The following ARHGAP10 variants were observed in gnomAD, a reference collection of about 807,000 sequenced individuals.
ARHGAP10 encodes the protein Rho GTPase activating protein 10.
ARHGAP10 carries 87 observed loss-of-function variants against 108.6 expected under a neutral mutation model. The observed-to-expected ratio is 0.80, with a 90% CI of 0.67 to 0.96. The LOEUF (loss-of-function observed/expected upper bound fraction) is 0.96, where lower values mean the gene tolerates loss of function less well. ARHGAP10 is among the 40% of genes least tolerant of loss of function. ARHGAP10 has a pLI of 0.00. For missense variants in ARHGAP10, 939 were observed against 954.5 expected (o/e 0.98, Z 0.21); for synonymous variants, 347 against 341.1 (o/e 1.02, Z -0.19).
Position 147,849,620 on chromosome 4 carries a change from C to G in ARHGAP10, c.384+2398C>G, listed in dbSNP as rs536333990. Among the ~76,000 whole-genome samples, 7 of 152,344 alleles carry G rather than the reference C, an allele frequency of 4.6e-5. No individual in the cohort carries two copies. In the South Asian group the frequency reaches 1.2e-3, roughly 27 times the overall value. ...TCTTTCCCCGTCTCCTGTTTCCCAT[C>G]TGATAATGTTGTAGCCCTTGCCTGA... On this transcript the variant is annotated intron_variant, in intron 4 of 22. Transcript: ENST00000336498.
At chr4:147,854,206 A>C (rs999937991) in intron 4 of ARHGAP10, among the ~76,000 whole-genome samples, 4 of 152,198 alleles carry the variant, frequency 2.6e-5, no homozygotes, top group Non-Finnish European at 4.4e-5. Context: ...CAACTTATAA[A>C]TTTTGTTTGG....
intron 15 of ARHGAP10, 110 bp from the exon 16 acceptor site, chr4:147,955,206 T>C (rs1375280516): frequency 6.6e-6 from 7 of 1,056,604 alleles, no homozygotes; most frequent in African/African-American, 3.2e-5. Flanking sequence ...TAGGGAAGTT[T>C]TACACATTAA....
intron 19 of ARHGAP10, among the ~76,000 whole-genome samples, chr4:148,033,759 G>A (rs1296030773): frequency 6.6e-6 from 1 of 152,212 alleles, no homozygotes; most frequent in Non-Finnish European, 1.5e-5. Context: ...GAAAGGGAAT[G>A]GAGTCCCTTT....
chr4:147,953,811 CT>C (rs1317810514), intron 15 of ARHGAP10, among the ~76,000 whole-genome samples: 1 of 151,704 alleles, frequency 6.6e-6, no homozygotes, highest in Non-Finnish European at 1.5e-5. Flanking sequence ...ATTTACACTT[CT>C]TTTTTTTCCT....
At chr4:147,849,316 C>G (rs2009277766) in intron 4 of ARHGAP10, among the ~76,000 whole-genome samples, 2 of 151,438 alleles carry the variant, frequency 1.3e-5, no homozygotes, top group South Asian at 4.2e-4. Flanking sequence ...GCCTATCCAA[C>G]TGATAATTCT....
chr4:147,988,007 G>A lies in ARHGAP10; in HGVS notation c.1716+21168G>A, dbSNP rs7660495. On this transcript the variant is annotated intron_variant, in intron 18 of 22. Coordinates refer to ENST00000336498, the MANE Select transcript of ARHGAP10 (RefSeq NM_024605.4). ...CTCCAGCAGTGTGAGAAAATACAGA[G>A]TGTGAGGCACTTGCAGTTCAATAAA... 6.4e-3 allele frequency among the ~76,000 whole-genome samples: 975 copies of A among 152,308 alleles called. 7 individuals are homozygous for A. Among genetic ancestry groups the A allele is most frequent in the African/African-American group, 0.022 (923 of 41,548 alleles).
chr4:147,851,589 C>G (rs1733878936), intron 4 of ARHGAP10, among the ~76,000 whole-genome samples: 1 of 152,168 alleles, frequency 6.6e-6, no homozygotes, highest in Admixed American at 6.5e-5. Flanking sequence ...TTAAACCTGT[C>G]TGGATAATTT....
chr4:147,764,458 TC>T (rs1729712852), intron 1 of ARHGAP10, among the ~76,000 whole-genome samples: 1 of 151,254 alleles, frequency 6.6e-6, no homozygotes, highest in Non-Finnish European at 1.5e-5. Flanking sequence ...TCCCATCGGC[TC>T]CCATGCAGTA....
intron 5 of ARHGAP10, among the ~76,000 whole-genome samples, chr4:147,860,496 A>G (rs1734272171): frequency 6.6e-6 from 1 of 152,142 alleles, no homozygotes; most frequent in Non-Finnish European, 1.5e-5. Flanking sequence ...TGTGGCATAT[A>G]CCATGCTGGC....
intron 10 of ARHGAP10, among the ~76,000 whole-genome samples, chr4:147,904,487 G>T (rs915156806): frequency 6.6e-5 from 10 of 151,660 alleles, no homozygotes; most frequent in African/African-American, 1.9e-4. Context: ...GCAGTGTTTG[G>T]TTTTTTGTCC....
intron 16 of ARHGAP10, among the ~76,000 whole-genome samples, chr4:147,956,217 C>G (rs1166558011): frequency 4.6e-5 from 7 of 152,060 alleles, no homozygotes; most frequent in Non-Finnish European, 1.0e-4. Context: ...ATTTTCATTT[C>G]CTTTTATTTT....
At chr4:147,856,833 A>T (rs1385026705) in intron 4 of ARHGAP10, among the ~76,000 whole-genome samples, 1 of 152,088 alleles carries the variant, frequency 6.6e-6, no homozygotes, top group Non-Finnish European at 1.5e-5. Context: ...ATGTATTATG[A>T]TTTTTTGAAA....
intron 1 of ARHGAP10, among the ~76,000 whole-genome samples, chr4:147,802,904 G>T (rs1302300520): frequency 6.6e-6 from 1 of 152,192 alleles, no homozygotes; most frequent in African/African-American, 2.4e-5. Flanking sequence ...CAAAGTTTTG[G>T]AGAACTCCTT....
intron 18 of ARHGAP10, among the ~76,000 whole-genome samples, chr4:148,000,907 C>T (rs901676330): frequency 6.6e-6 from 1 of 152,168 alleles, no homozygotes; most frequent in Non-Finnish European, 1.5e-5. Flanking sequence ...GTTTCTTTTG[C>T]TGTGCAGAAG....
chr4:147,750,193 A>G (rs1331381377), intron 1 of ARHGAP10, among the ~76,000 whole-genome samples: 1 of 152,210 alleles, frequency 6.6e-6, no homozygotes, highest in African/African-American at 2.4e-5. Context: ...GGTTTAATGT[A>G]TGCAGTGAGA....
intron 1 of ARHGAP10, among the ~76,000 whole-genome samples, chr4:147,763,601 C>CGCCTG (rs564679966): frequency 1.4e-4 from 22 of 152,106 alleles, no homozygotes; most frequent in Non-Finnish European, 2.2e-4. Context: ...TGAGCCACTG[C>CGCCTG]GCCTGGCCTG....
At chr4:147,897,661 CTT>C (rs1397088459) in intron 10 of ARHGAP10, among the ~76,000 whole-genome samples, 1 of 152,090 alleles carries the variant, frequency 6.6e-6, no homozygotes, top group Admixed American at 6.6e-5. Flanking sequence ...TCTCTGTGCT[CTT>C]GTTACTATAT....
At position 147,857,614 on chromosome 4, in the gene ARHGAP10, T is replaced by C. The variant is rs749110320; in HGVS notation, c.446T>C (p.Leu149Ser). The change falls in exon 5 of 23, where the codon TTG (leucine) becomes TCG (serine). Residue 149 changes from leucine (L) to serine (S), a missense_variant. By Grantham distance (145) the Leu-to-Ser change is moderately radical. Transcript: ENST00000336498. ...EKNYSLIDKH[L>S]NLSAKKKDSH... ...AATTATAGTCTAATTGATAAACATT[T>C]GAATTTATCAGCAAAAAAGAAAGAC... The C allele has an allele frequency of 1.3e-6, 2 of 1,499,372 alleles. No individual in the cohort carries two copies. The highest frequency in any genetic ancestry group is 1.8e-6 in the Non-Finnish European group (2 of 1,127,040). The allele number at this position is 1,499,372 out of a possible 1,614,324, so 92.9% of individuals were successfully genotyped here.
At chr4:148,070,985 T>G (rs577706130) in intron 22 of ARHGAP10, among the ~76,000 whole-genome samples, 4 of 152,292 alleles carry the variant, frequency 2.6e-5, no homozygotes, top group African/African-American at 9.6e-5. Context: ...CACGTGAATA[T>G]TTATGAACAG....
Sources: gnomAD v4.1 joint callset for allele counts (sites outside exome capture counted in the v4.1 genomes callset) on GRCh38, gnomAD v4.1.1 for gene constraint, MANE v1.5 for transcripts, NCBI Gene and HGNC (gene_info 2026-07-23, HGNC 2026-07-21) for gene names.